The following UMAD1 variants were observed in gnomAD, a reference collection of about 807,000 sequenced individuals.
UMAD1 encodes the protein UBAP1-MVB12-associated (UMA)-domain containing protein 1.
In UMAD1, 8 loss-of-function variants were observed where a neutral mutation model predicts 6.1. The ratio of observed to expected loss-of-function variants is 1.30; its 90% CI spans 0.76 to 2.35. The LOEUF (loss-of-function observed/expected upper bound fraction) is 2.35. Ranked by LOEUF, UMAD1 falls within the 30% of genes most tolerant of loss-of-function variation. The probability of loss-of-function intolerance (pLI) is 0.00; values close to 1 mark genes in which losing one functional copy is unlikely to be tolerated. For missense variants in UMAD1, 130 were observed against 78.4 expected (o/e 1.66, Z -2.49); for synonymous variants, 56 against 31.4 (o/e 1.78, Z -2.61).
At chr7:7,651,772 T>C (rs1346447005) in intron 1 of UMAD1, among the ~76,000 whole-genome samples, 1 of 152,218 alleles carries the variant, frequency 6.6e-6, no homozygotes, top group African/African-American at 2.4e-5. Context: ...AAATTGGGTC[T>C]TCCGAGACTC....
Position 7,763,482 on chromosome 7 carries a change from T to C in UMAD1, c.83-38188T>C, listed in dbSNP as rs75527270. Among the ~76,000 whole-genome samples the C allele has an allele frequency of 4.7e-3, 711 of 152,324 alleles. 8 individuals are homozygous for C. The highest frequency in any genetic ancestry group is 0.035 in the South Asian group (169 of 4,826). On this transcript the variant is annotated intron_variant, in intron 2 of 3. Coordinates refer to ENST00000682710, the MANE Select transcript of UMAD1 (RefSeq NM_001302348.2). Reference sequence around the variant, plus strand: ...GTTTATGTCCATGTGTGCTCAATGTTTAGCTCTCATTTATAAATGAGAACA... The same window carrying C: ...GTTTATGTCCATGTGTGCTCAATGTCTAGCTCTCATTTATAAATGAGAACA...
intron 3 of UMAD1, among the ~76,000 whole-genome samples, chr7:7,804,841 C>T (rs1465117994): frequency 2.0e-5 from 3 of 151,758 alleles, no homozygotes; most frequent in Non-Finnish European, 4.4e-5. Context: ...ATTAGCTGGG[C>T]ACGGTGGCCT....
chr7:7,702,917 G>C (rs1419195975), intron 2 of UMAD1, among the ~76,000 whole-genome samples: 2 of 152,152 alleles, frequency 1.3e-5, no homozygotes, highest in Non-Finnish European at 2.9e-5. Context: ...CTAGCTACAG[G>C]GGAAAATCAT....
chr7:7,690,909 T>G (rs1434246751), intron 2 of UMAD1, among the ~76,000 whole-genome samples: 3 of 152,212 alleles, frequency 2.0e-5, no homozygotes, highest in African/African-American at 7.2e-5. Context: ...ATACATCAAA[T>G]ATATTTTAAT....
At chr7:7,771,661 T>C (rs188613747) in intron 2 of UMAD1, among the ~76,000 whole-genome samples, 33 of 152,340 alleles carry the variant, frequency 2.2e-4, no homozygotes, top group Middle Eastern at 6.8e-3. Context: ...TATATTCTTA[T>C]GTTTCTACAA....
intron 2 of UMAD1, among the ~76,000 whole-genome samples, chr7:7,789,351 G>GTAATATATAATAAGTTATAATA (rs376765034): frequency 0.026 from 3,918 of 152,136 alleles, 185 homozygotes; most frequent in African/African-American, 0.09. Context: ...TGTGAATATG[G>GTAATATATAATAAGTTATAATA]AGTAGAGACT....
At position 7,847,130 on chromosome 7, in the gene UMAD1, T is replaced by A. The variant is rs1328350207; in HGVS notation, c.157-30151T>A. 4.2e-4 allele frequency among the ~76,000 whole-genome samples: 25 copies of A among 59,850 alleles called. 3 individuals carry two copies. The highest frequency in any genetic ancestry group is 2.5e-3 in the East Asian group (4 of 1,616). The allele number at this position is 59,850 out of a possible 152,430, so 39.3% of individuals were successfully genotyped here. A position where few individuals can be genotyped will look rare whatever the true frequency, so the allele number is the denominator to read the frequency against. ...ATATATATATATATATATATATATATATATATATATATATATATATATATT... is the reference window on the plus strand; with the variant it reads ...ATATATATATATATATATATATATAAATATATATATATATATATATATATT... On this transcript the variant is annotated intron_variant, in intron 3 of 3. Transcript: ENST00000682710.
chr7:7,707,007 T>C (rs185102309), intron 2 of UMAD1, among the ~76,000 whole-genome samples: 2 of 152,334 alleles, frequency 1.3e-5, no homozygotes, highest in East Asian at 3.9e-4. Context: ...AAAACATTTT[T>C]AGTCAGTCTC....
chr7:7,852,729 G>A (rs1783942132), intron 3 of UMAD1, among the ~76,000 whole-genome samples: 1 of 152,138 alleles, frequency 6.6e-6, no homozygotes, highest in Non-Finnish European at 1.5e-5. Context: ...CTTCCTGTCA[G>A]CCTCCACATA....
chr7:7,755,830 C>T (rs13234751), intron 2 of UMAD1, among the ~76,000 whole-genome samples: 19,811 of 152,152 alleles, frequency 0.13, 1,338 homozygotes, highest in East Asian at 0.19. Flanking sequence ...TCCCATGAGC[C>T]ATTTAAACAT....
intron 2 of UMAD1, among the ~76,000 whole-genome samples, chr7:7,710,763 T>C (rs1780737538): frequency 6.6e-6 from 1 of 152,210 alleles, no homozygotes; most frequent in Non-Finnish European, 1.5e-5. Context: ...ATTTTATTCA[T>C]AATAGACCCA....
intron 2 of UMAD1, among the ~76,000 whole-genome samples, chr7:7,729,347 A>G (rs1439760020): frequency 1.3e-5 from 2 of 152,210 alleles, no homozygotes; most frequent in Non-Finnish European, 1.5e-5. Flanking sequence ...TTGAACATTA[A>G]GCTGAAGATG....
At chr7:7,823,509 T>G (rs980385894) in intron 3 of UMAD1, among the ~76,000 whole-genome samples, 3 of 152,084 alleles carry the variant, frequency 2.0e-5, no homozygotes, top group Non-Finnish European at 4.4e-5. Flanking sequence ...CCTCCTGCAC[T>G]CCGTTTGCCC....
intron 3 of UMAD1, among the ~76,000 whole-genome samples, chr7:7,805,502 G>A (rs1292351782): frequency 6.6e-6 from 1 of 151,996 alleles, no homozygotes; most frequent in African/African-American, 2.4e-5. Flanking sequence ...CCTTTTACTA[G>A]GGCCCCATTC....
At chr7:7,750,895 GTAAA>G (rs1781665669) in intron 2 of UMAD1, among the ~76,000 whole-genome samples, 2 of 152,194 alleles carry the variant, frequency 1.3e-5, no homozygotes, top group Non-Finnish European at 2.9e-5. Flanking sequence ...GTAGGAAAGG[GTAAA>G]TAGAGATAGC....
chr7:7,787,618 C>G (rs1450348325), intron 2 of UMAD1, among the ~76,000 whole-genome samples: 1 of 152,172 alleles, frequency 6.6e-6, no homozygotes, highest in African/African-American at 2.4e-5. Flanking sequence ...AGTAAAATCT[C>G]TTTTCTTTCT....
At chr7:7,842,055 C>T (rs1011523339) in intron 3 of UMAD1, among the ~76,000 whole-genome samples, 14 of 152,126 alleles carry the variant, frequency 9.2e-5, no homozygotes, top group African/African-American at 3.4e-4. Flanking sequence ...GTGTCTCTGT[C>T]GGGTATGTTA....
At position 7,806,776 on chromosome 7, in the gene UMAD1, C is replaced by T. The variant is rs570599761; in HGVS notation, c.156+5033C>T. Among the ~76,000 whole-genome samples the T allele has an allele frequency of 2.8e-4, 43 of 152,180 alleles. 1 individual carries two copies. In the South Asian group the frequency reaches 8.3e-3, roughly 29 times the overall value. On this transcript the variant is annotated intron_variant, in intron 3 of 3. Transcript: ENST00000682710. ...TATACATCTGATTAAGAAATCATAA[C>T]TATTTGCTAACTGGAAAGCCTCTAA...
At chr7:7,795,721 G>A (rs182551567) in intron 2 of UMAD1, among the ~76,000 whole-genome samples, 53 of 151,964 alleles carry the variant, frequency 3.5e-4, no homozygotes, top group African/African-American at 1.1e-3. Context: ...GGTAACTTCT[G>A]GATGTTGTGT....
Sources: gnomAD v4.1 joint callset for allele counts (sites outside exome capture counted in the v4.1 genomes callset) on GRCh38, gnomAD v4.1.1 for gene constraint, MANE v1.5 for transcripts, NCBI Gene and HGNC (gene_info 2026-07-23, HGNC 2026-07-21) for gene names.